CRIM1: variants seen among roughly 807,000 people sequenced by gnomAD.
CRIM1 encodes the protein cysteine rich transmembrane BMP regulator 1.
CRIM1 carries 32 observed loss-of-function variants against 116.4 expected under a neutral mutation model. The ratio of observed to expected loss-of-function variants is 0.27; its 90% CI spans 0.21 to 0.37. CRIM1 has a LOEUF of 0.37. Among genes scored for constraint, CRIM1 ranks in the 10% least tolerant of loss-of-function variants. The pLI, the probability that CRIM1 is intolerant of heterozygous loss-of-function variation, is 1.00. For synonymous variants in CRIM1, 590 were observed against 509.2 expected, an observed-to-expected ratio of 1.16 and a Z score of -2.13; for missense variants, 1,331 against 1,354.8, an observed-to-expected ratio of 0.98 and a Z score of 0.28.
chr2:36,544,927 T>C (rs1667213002), intron 15 of CRIM1, among the ~76,000 whole-genome samples: 1 of 152,172 alleles, frequency 6.6e-6, no homozygotes, highest in Admixed American at 6.5e-5. Flanking sequence ...TCTGGGCAGT[T>C]TTCACTTCAT....
At chr2:36,445,552 T>C (rs2124949468) in intron 4 of CRIM1, among the ~76,000 whole-genome samples, 2 of 152,364 alleles carry the variant, frequency 1.3e-5, no homozygotes, top group Non-Finnish European at 2.9e-5. Flanking sequence ...TGAAGTCTTG[T>C]CTTATCAGCT....
Position 36,548,844 on chromosome 2 carries a change from C to A in CRIM1, c.*143C>A. 1.6e-6 allele frequency: 1 copy of A among 606,808 alleles called. No individual in the cohort carries two copies. The highest frequency in any genetic ancestry group is 1.9e-5 in the African/African-American group (1 of 52,894). The allele number at this position is 606,808 out of a possible 1,614,324, so 37.6% of individuals were successfully genotyped here. The stretch of plus-strand genomic sequence containing the variant: ...AGCGCTAAGACCTTACTGGGATGGG[C>A]TCTGTCTACAGCAATGTGCAGAACA... On this transcript the variant is annotated 3_prime_UTR_variant, in exon 17 of 17. Coordinates refer to ENST00000280527, the MANE Select transcript of CRIM1 (RefSeq NM_016441.3).
At chr2:36,530,625 C>A (rs755956662) in intron 13 of CRIM1, among the ~76,000 whole-genome samples, 10 of 152,112 alleles carry the variant, frequency 6.6e-5, no homozygotes, top group Non-Finnish European at 7.3e-5. Context: ...TTTAGAAGTA[C>A]TTCCCCTATT....
chr2:36,468,406 C>T (rs1054028372), intron 5 of CRIM1, among the ~76,000 whole-genome samples: 6 of 152,042 alleles, frequency 3.9e-5, no homozygotes, highest in Admixed American at 6.6e-5. Context: ...TTTGTTGTGG[C>T]GGAGGGATGG....
intron 13 of CRIM1, among the ~76,000 whole-genome samples, chr2:36,524,242 T>C (rs1665600763): frequency 6.6e-6 from 1 of 152,182 alleles, no homozygotes; most frequent in South Asian, 2.1e-4. Context: ...TTCTAGCTCC[T>C]AAGTGGAGCG....
At chr2:36,407,878 T>TAC (rs1672929844) in intron 2 of CRIM1, among the ~76,000 whole-genome samples, 1 of 152,230 alleles carries the variant, frequency 6.6e-6, no homozygotes, top group African/African-American at 2.4e-5. Context: ...CAGTCATCTG[T>TAC]AAACAGCATA....
chr2:36,377,333 T>C (rs1670401958), intron 1 of CRIM1, among the ~76,000 whole-genome samples: 1 of 152,226 alleles, frequency 6.6e-6, no homozygotes, highest in Non-Finnish European at 1.5e-5. Flanking sequence ...GGATACAGTC[T>C]CAAGAAAACC....
intron 2 of CRIM1, among the ~76,000 whole-genome samples, chr2:36,433,607 A>G (rs2124909633): frequency 6.6e-6 from 1 of 152,354 alleles, no homozygotes; most frequent in South Asian, 2.1e-4. Flanking sequence ...TATTTAAACA[A>G]GTACTAATGC....
At chr2:36,376,061 A>G (rs1670295885) in intron 1 of CRIM1, among the ~76,000 whole-genome samples, 1 of 152,228 alleles carries the variant, frequency 6.6e-6, no homozygotes, top group South Asian at 2.1e-4. Context: ...CCATTAGAAA[A>G]AAAGGTTTAG....
intron 7 of CRIM1, among the ~76,000 whole-genome samples, chr2:36,479,997 G>T (rs1449577640): frequency 6.6e-6 from 1 of 152,176 alleles, no homozygotes; most frequent in Non-Finnish European, 1.5e-5. Context: ...CCAAAGGTCA[G>T]CCTAACAAAA....
intron 5 of CRIM1, among the ~76,000 whole-genome samples, chr2:36,475,574 TTATTTTTCC>T (rs1214274172): frequency 6.6e-6 from 1 of 152,234 alleles, no homozygotes; most frequent in African/African-American, 2.4e-5. Flanking sequence ...TTTAATTTAT[TTATTTTTCC>T]TAATTGCTCT....
chr2:36,491,574 T>C (rs1405134577), intron 7 of CRIM1, among the ~76,000 whole-genome samples: 2 of 152,224 alleles, frequency 1.3e-5, no homozygotes, highest in Non-Finnish European at 2.9e-5. Context: ...ACACTGACTT[T>C]AGGTGCTTAG....
chr2:36,410,628 C>T (rs1484149194), intron 2 of CRIM1, among the ~76,000 whole-genome samples: 1 of 151,802 alleles, frequency 6.6e-6, no homozygotes, highest in Non-Finnish European at 1.5e-5. Context: ...GGTGAAAACA[C>T]TGGTTATCCT....
In CRIM1 at chr2:36,388,881, G is replaced by A. The variant is rs116113996; in HGVS notation, c.332-7733G>A. 2.0e-3 allele frequency among the ~76,000 whole-genome samples: 307 copies of A among 152,316 alleles called. 1 individual carries two copies. Among genetic ancestry groups the A allele is most frequent in the African/African-American group, 6.5e-3 (269 of 41,582 alleles). ...CTTAATAACAAATATTTTGCTGTAA[G>A]TTGATTTATTATATTGGATCAGTAC... On this transcript the variant is annotated intron_variant, in intron 1 of 16. Transcript: ENST00000280527.
Position 36,356,389 on chromosome 2 carries a change from C to G in CRIM1, c.97C>G (p.Arg33Gly). ...GCTGCTGCTGGCGCGCTCCGGCACC[C>G]GGGCGCTGGTCTGCCTGCCCTGTGA... ...LLLLLARSGT[R>G]ALVCLPCDES... The change falls in exon 1 of 17, where the codon CGG becomes GGG. Residue 33 changes from arginine to glycine, a missense_variant. This residue lies in a region of CRIM1 where 690 missense variants were observed against 676.0 expected (regional missense o/e 1.02). Coordinates refer to ENST00000280527, the MANE Select transcript of CRIM1 (RefSeq NM_016441.3). The surrounding 1 kb of genome is among the most constrained non-coding windows in gnomAD (Gnocchi z 4.3). 1 of 1,600,148 alleles carries G rather than the reference C, an allele frequency of 6.2e-7. No homozygotes were observed. Among genetic ancestry groups the G allele is most frequent in the Non-Finnish European group, 8.5e-7 (1 of 1,175,402 alleles).
intron 2 of CRIM1, among the ~76,000 whole-genome samples, chr2:36,437,083 A>T (rs937950396): frequency 2.6e-5 from 4 of 152,230 alleles, no homozygotes; most frequent in African/African-American, 9.6e-5. Context: ...TAATCTTAAA[A>T]CACTAGAGGA....
At chr2:36,479,724 G>C (rs376527424) in intron 7 of CRIM1, 30 bp downstream of exon 7, 6 of 1,596,502 alleles carry the variant, frequency 3.8e-6, no homozygotes, top group Middle Eastern at 1.7e-4. Flanking sequence ...ATGAGTCCCT[G>C]GTGAATGTCT....
At chr2:36,548,172 C>G (rs2270333) in intron 16 of CRIM1, among the ~76,000 whole-genome samples, 98,050 of 151,988 alleles carry the variant, frequency 0.65, 31,657 homozygotes, top group Middle Eastern at 0.74. Context: ...AGAAGTCATC[C>G]CTTTGTTTTT....
At chr2:36,496,217 T>A (rs2125078935) in intron 7 of CRIM1, among the ~76,000 whole-genome samples, 1 of 152,306 alleles carries the variant, frequency 6.6e-6, no homozygotes, top group African/African-American at 2.4e-5. Context: ...TGTAATAAAA[T>A]GAGATGCCAA....
Sources: allele counts gnomAD v4.1 joint callset (sites outside exome capture counted in the v4.1 genomes callset), GRCh38; gene constraint gnomAD v4.1.1; regional missense constraint gnomAD v4.1.1; non-coding constraint Gnocchi (gnomAD v3.1); transcripts MANE v1.5; gene names NCBI Gene and HGNC (gene_info 2026-07-23, HGNC 2026-07-21).